CLN6: variants seen among roughly 807,000 people sequenced by gnomAD.
The protein encoded by CLN6 is CLN6 transmembrane ER protein.
In CLN6, 22 loss-of-function variants were observed where a neutral mutation model predicts 33.3. That is an observed-to-expected ratio of 0.66 (90% CI 0.47 to 0.94). CLN6 has a LOEUF of 0.94. Among genes scored for constraint, CLN6 ranks in the 40% least tolerant of loss-of-function variants. The probability of loss-of-function intolerance (pLI) is 0.00; values close to 1 mark genes in which losing one functional copy is unlikely to be tolerated. For synonymous variants in CLN6, 201 were observed against 174.6 expected (o/e 1.15, Z -1.19); for missense variants, 387 against 417.1 (o/e 0.93, Z 0.63).
rs556944621 is a variant in CLN6, at chr15:68,219,409, T to C, written c.84-759A>G. Among the ~76,000 whole-genome samples the C allele has an allele frequency of 3.3e-5, 5 of 152,090 alleles. No individual in the cohort carries two copies. Among genetic ancestry groups the C allele is most frequent in the South Asian group, 2.1e-4 (1 of 4,828 alleles). On this transcript the variant is annotated intron_variant, in intron 1 of 6. Transcript: ENST00000249806. This position sits in a 1 kb window ranked among gnomAD's most constrained non-coding sequence, Gnocchi z 4.2. ...TAATCCTCTTCTCAGCAGTCCACAG[T>C]AGAACCTGAGAAGGAGCCAGCAGAA...
At chr15:68,232,836 G>A (rs997663773), upstream of CLN6, among the ~76,000 whole-genome samples, 1 of 152,168 alleles carries the variant, frequency 6.6e-6, no homozygotes, top group African/African-American at 2.4e-5. The surrounding 1 kb of genome is among the most constrained non-coding windows in gnomAD (Gnocchi z 4.7). Context: ...GAGGTCAGGA[G>A]TTCAAGACCA....
intron 3 of CLN6, 189 bp downstream of exon 3, chr15:68,214,101 C>T: frequency 1.7e-6 from 1 of 572,714 alleles, no homozygotes; most frequent in Non-Finnish European, 3.2e-6. Flanking sequence ...ATTTTCCATC[C>T]CTCCAGGCCA....
At chr15:68,218,110 C>A in intron 2 of CLN6, 1 of 230,042 alleles carries the variant, frequency 4.3e-6, no homozygotes, top group Non-Finnish European at 8.8e-6. Flanking sequence ...AGCCTACGCC[C>A]TTCAACTCCA....
intron 1 of CLN6, among the ~76,000 whole-genome samples, chr15:68,248,825 T>C (rs1460554844): frequency 1.3e-5 from 2 of 152,060 alleles, no homozygotes; most frequent in African/African-American, 4.8e-5. Flanking sequence ...CTAAAAATCT[T>C]CTGCACAGTA....
intron 1 of CLN6, among the ~76,000 whole-genome samples, chr15:68,249,842 C>T (rs1357154452): frequency 6.6e-6 from 1 of 152,142 alleles, no homozygotes; most frequent in Non-Finnish European, 1.5e-5. Flanking sequence ...GGCGTGATCT[C>T]GGCTCCTGCA....
chr15:68,244,007 G>A (rs1035725295), intron 1 of CLN6, among the ~76,000 whole-genome samples: 7 of 152,074 alleles, frequency 4.6e-5, no homozygotes, highest in African/African-American at 9.6e-5. Flanking sequence ...GGACTTTGCA[G>A]TGAGTTGAGA....
rs2093257065 is a variant in CLN6 at position 68,227,961 on chromosome 15, G to A, written c.83+1541C>T. Among the ~76,000 whole-genome samples, 1 of 152,192 alleles carries A rather than the reference G, an allele frequency of 6.6e-6. No homozygotes were observed. The highest frequency in any genetic ancestry group is 1.5e-5 in the Non-Finnish European group (1 of 68,038). ...ATCCCGCAGGCAGAAGAGGCTGCCT[G>A]GAAGAGGGGAGCTGGTAAATGGGTT... is the stretch of plus-strand genomic sequence containing the variant. On this transcript the variant is annotated intron_variant, in intron 1 of 6. Coordinates refer to ENST00000249806, the MANE Select transcript of CLN6 (RefSeq NM_017882.3). The surrounding 1 kb of genome is among the most constrained non-coding windows in gnomAD (Gnocchi z 4.1).
chr15:68,232,693 C>G (rs1384561750), upstream of CLN6, among the ~76,000 whole-genome samples: 1 of 152,150 alleles, frequency 6.6e-6, no homozygotes, highest in Non-Finnish European at 1.5e-5. This position sits in a 1 kb window ranked among gnomAD's most constrained non-coding sequence, Gnocchi z 4.7. Context: ...AAATTTTTCT[C>G]TCTTCCTCTT....
At position 68,246,185 on chromosome 15, in the gene CLN6, A is replaced by G. The variant is rs1227030634; in HGVS notation, c.179+10505T>C. ...CCAGACAGAAAATCAACAAAGAAGC[A>G]TCAGAATTGAACTACACACTAGACC... On this transcript the variant is annotated intron_variant, in intron 1 of 6. Transcript: ENST00000538696. The surrounding 1 kb of genome is among the most constrained non-coding windows in gnomAD (Gnocchi z 4.5). 6.6e-6 allele frequency among the ~76,000 whole-genome samples: 1 copy of G among 152,152 alleles called. No homozygotes were observed. The highest frequency in any genetic ancestry group is 2.4e-5 in the African/African-American group (1 of 41,404).
At chr15:68,253,216 A>C (rs1428455202) in intron 1 of CLN6, among the ~76,000 whole-genome samples, 3 of 152,222 alleles carry the variant, frequency 2.0e-5, no homozygotes, top group African/African-American at 7.2e-5. Context: ...ATGCGGATAC[A>C]TATAAAATAG....
At position 68,229,622 on chromosome 15, in the gene CLN6, G is replaced by A. The variant is rs756496671; in HGVS notation, c.-38C>T. ...GGCCCCTCGGCCCTGCCTTTCCGAG[G>A]AAGAGACCGGTTCAGCTCGGCTGCC... is the stretch of plus-strand genomic sequence containing the variant. On this transcript the variant is annotated 5_prime_UTR_variant, in exon 1 of 7. Transcript: ENST00000249806. The A allele has an allele frequency of 2.2e-4, 313 of 1,431,806 alleles. 1 individual carries two copies. The highest frequency in any genetic ancestry group is 9.2e-4 in the Middle Eastern group (4 of 4,366). 88.7% of individuals were successfully genotyped at this position (1,431,806 alleles called of 1,614,324 possible).
At position 68,246,788 on chromosome 15, in the gene CLN6, T is replaced by C. The variant is rs1341494749; in HGVS notation, c.179+9902A>G. On this transcript the variant is annotated intron_variant, in intron 1 of 6. Transcript: ENST00000538696. The surrounding 1 kb of genome is among the most constrained non-coding windows in gnomAD (Gnocchi z 4.5). ...GAAAATCAATGAAATGAAAATTGGT[T>C]TTTTGAAAAGATAAACAAAATTAAC... Among the ~76,000 whole-genome samples, 2 of 152,124 alleles carry C rather than the reference T, an allele frequency of 1.3e-5. No individual in the cohort carries two copies. The highest frequency in any genetic ancestry group is 1.5e-5 in the Non-Finnish European group (1 of 68,034).
rs1180712719 is a variant in CLN6 at position 68,209,997 on chromosome 15, C to T, written c.543-238G>A. Among the ~76,000 whole-genome samples, 2 of 152,118 alleles carry T rather than the reference C, an allele frequency of 1.3e-5. No homozygotes were observed. The highest frequency in any genetic ancestry group is 6.5e-5 in the Admixed American group (1 of 15,268). On this transcript the variant is annotated intron_variant, in intron 5 of 6. Transcript: ENST00000249806. This position sits in a 1 kb window ranked among gnomAD's most constrained non-coding sequence, Gnocchi z 4.9. ...GTCAGAGGCCCAGAGGCATCCACAC[C>T]GCCCAGGGCACCTCACTCACTCCGT...
In CLN6 at chr15:68,223,577, G is replaced by A. The variant is rs1005045562; in HGVS notation, c.84-4927C>T. Among the ~76,000 whole-genome samples, 6 of 152,142 alleles carry A rather than the reference G, an allele frequency of 3.9e-5. No homozygotes were observed. In the South Asian group the frequency reaches 1.0e-3, roughly 26 times the overall value. ...TGGCAAAAAGTAGGATGTTCGGTACGAGGAATAAAGGGATTTTGGAAGCAT... is the reference window on the plus strand; with the variant it reads ...TGGCAAAAAGTAGGATGTTCGGTACAAGGAATAAAGGGATTTTGGAAGCAT... On this transcript the variant is annotated intron_variant, in intron 1 of 6. Transcript: ENST00000249806.
chr15:68,229,839 G>A, upstream of CLN6: 1 of 272,358 alleles, frequency 3.7e-6, no homozygotes, highest in Non-Finnish European at 6.6e-6. Flanking sequence ...CGCTGCGAGT[G>A]TGGCGTCCTC....
intron 1 of CLN6, among the ~76,000 whole-genome samples, chr15:68,235,744 A>C (rs898820528): frequency 6.6e-6 from 1 of 151,990 alleles, no homozygotes; most frequent in Non-Finnish European, 1.5e-5. Flanking sequence ...CACCCAGAAG[A>C]AGCAAATGTA....
In CLN6 at chr15:68,228,713, G is replaced by A. The variant is rs562078882; in HGVS notation, c.83+789C>T. Among the ~76,000 whole-genome samples, 1 of 152,084 alleles carries A rather than the reference G, an allele frequency of 6.6e-6. No individual in the cohort carries two copies. Among genetic ancestry groups the A allele is most frequent in the African/African-American group, 2.4e-5 (1 of 41,480 alleles). ...CTCCATGAAGCCCTCCAAGATGACCGCTCACTCCCACTTGGGCTCTGTCTC... is the reference window on the plus strand; with the variant it reads ...CTCCATGAAGCCCTCCAAGATGACCACTCACTCCCACTTGGGCTCTGTCTC... On this transcript the variant is annotated intron_variant, in intron 1 of 6. Transcript: ENST00000249806. The surrounding 1 kb of genome is among the most constrained non-coding windows in gnomAD (Gnocchi z 4.4).
At chr15:68,224,636 AAAAG>A (rs1286964405) in intron 1 of CLN6, among the ~76,000 whole-genome samples, 2 of 151,544 alleles carry the variant, frequency 1.3e-5, no homozygotes, top group African/African-American at 2.4e-5. Context: ...AAAAAAAAAA[AAAAG>A]ATTAATCAGC....
chr15:68,229,476 G>A (rs990238984), intron 1 of CLN6, 26 bp downstream of exon 1: 3 of 1,450,160 alleles, frequency 2.1e-6, no homozygotes, highest in Admixed American at 4.9e-5. Flanking sequence ...CGCCTAGCCC[G>A]CCCTCTCACC....
Sources: gnomAD v4.1 joint callset for allele counts (sites outside exome capture counted in the v4.1 genomes callset) on GRCh38, gnomAD v4.1.1 for gene constraint, Gnocchi (gnomAD v3.1) non-coding constraint, MANE v1.5 for transcripts, NCBI Gene and HGNC (gene_info 2026-07-23, HGNC 2026-07-21) for gene names.